Variants in SP100 observed in about 807,000 individuals in gnomAD.
SP100 encodes the protein SP100 nuclear body protein.
In SP100, 84 loss-of-function variants were observed where a neutral mutation model predicts 130.0. The ratio of observed to expected loss-of-function variants is 0.65; its 90% CI spans 0.54 to 0.77. The LOEUF (loss-of-function observed/expected upper bound fraction) is 0.77, where lower values mean the gene tolerates loss of function less well. Among genes scored for constraint, SP100 ranks in the 30% least tolerant of loss-of-function variants. The pLI, the probability that SP100 is intolerant of heterozygous loss-of-function variation, is 0.00. For synonymous variants in SP100, 331 were observed against 351.7 expected, an observed-to-expected ratio of 0.94 and a Z score of 0.66; for missense variants, 978 against 1,052.2, an observed-to-expected ratio of 0.93 and a Z score of 0.97.
chr2:230,436,747 C>A (rs2063280510), intron 2 of SP100, among the ~76,000 whole-genome samples: 1 of 152,172 alleles, frequency 6.6e-6, no homozygotes, highest in African/African-American at 2.4e-5. Context: ...CTATAGGTTT[C>A]CTACATATAT....
intron 17 of SP100, among the ~76,000 whole-genome samples, chr2:230,490,086 T>C: frequency 6.6e-6 from 1 of 152,202 alleles, no homozygotes; most frequent in Admixed American, 6.5e-5. Context: ...TTCTGTCTCA[T>C]TGATCTGTCT....
At chr2:230,449,376 C>T in intron 6 of SP100, 185 bp from the exon 7 acceptor site, 1 of 798,692 alleles carries the variant, frequency 1.3e-6, no homozygotes, top group Non-Finnish European at 2.2e-6. Flanking sequence ...GTTCCTGCTG[C>T]CGCTGAGCCT....
At chr2:230,496,109 T>G (rs1575742378) in intron 18 of SP100, among the ~76,000 whole-genome samples, 1 of 152,264 alleles carries the variant, frequency 6.6e-6, no homozygotes, top group South Asian at 2.1e-4. Flanking sequence ...TCTAAGATGT[T>G]TTTTCCGTCA....
At chr2:230,525,726 G>A (rs1343745360) in intron 24 of SP100, among the ~76,000 whole-genome samples, 4 of 152,178 alleles carry the variant, frequency 2.6e-5, no homozygotes, top group Non-Finnish European at 4.4e-5. Context: ...CTTAGCAACC[G>A]ACAGACCAGG....
At chr2:230,498,313 C>G in intron 18 of SP100, 148 bp from the exon 19 acceptor site, 1 of 397,442 alleles carries the variant, frequency 2.5e-6, no homozygotes. Context: ...CCATCAAAGG[C>G]TTGGTAATTG....
intron 24 of SP100, among the ~76,000 whole-genome samples, chr2:230,525,573 G>A (rs1691382521): frequency 6.6e-6 from 1 of 152,118 alleles, no homozygotes; most frequent in African/African-American, 2.4e-5. Flanking sequence ...GACTCTGGCT[G>A]CAGCCTACAG....
intron 2 of SP100, among the ~76,000 whole-genome samples, chr2:230,435,482 C>G (rs1292592245): frequency 3.3e-5 from 5 of 152,126 alleles, no homozygotes; most frequent in Non-Finnish European, 5.9e-5. Context: ...TTTAACTATT[C>G]TCTTCTCAAA....
In SP100 at chr2:230,461,410, A is replaced by C; in HGVS notation, c.969A>C (p.Ile323=). ...ARTHHNQASD[I]IVISSEDSEG... ...CTCATCATAACCAGGCATCTGACAT[A>C]ATAGGTAAGGCTGACTGGGAGAGTT... Residue 323 remains isoleucine (I), a synonymous_variant, in exon 9 of 29, where the codon ATA becomes ATC. Transcript: ENST00000340126. 6.2e-7 allele frequency: 1 copy of C among 1,614,088 alleles called. No homozygotes were observed. Among genetic ancestry groups the C allele is most frequent in the South Asian group, 1.1e-5 (1 of 91,088 alleles).
At chr2:230,516,103 G>T (rs1423632520) in intron 24 of SP100, 41 of 985,058 alleles carry the variant, frequency 4.2e-5, no homozygotes, top group Admixed American at 1.2e-4. Flanking sequence ...CCGTATGAGG[G>T]AACTGTGTAG....
chr2:230,436,370 G>A (rs998326840), intron 2 of SP100, among the ~76,000 whole-genome samples: 3 of 152,038 alleles, frequency 2.0e-5, no homozygotes, highest in South Asian at 2.1e-4. Context: ...TGTAATCCCC[G>A]TAATCTCCAG....
intron 2 of SP100, among the ~76,000 whole-genome samples, chr2:230,436,968 A>ATGTG (rs1277322939): frequency 0.035 from 4,563 of 131,160 alleles, 155 homozygotes; most frequent in Non-Finnish European, 0.046. Flanking sequence ...ACACACATAT[A>ATGTG]TATGTGTATA....
chr2:230,463,953 A>G, intron 10 of SP100, 114 bp from the exon 11 acceptor site: 1 of 688,152 alleles, frequency 1.5e-6, no homozygotes, highest in South Asian at 1.7e-5. Context: ...TGTACAGGCG[A>G]GGACTTGCAC....
At chr2:230,432,082 C>G (rs547909049) in intron 2 of SP100, among the ~76,000 whole-genome samples, 1 of 152,272 alleles carries the variant, frequency 6.6e-6, no homozygotes, top group South Asian at 2.1e-4. Context: ...CATCAATATA[C>G]TTTCTATCTC....
intron 19 of SP100, among the ~76,000 whole-genome samples, chr2:230,501,684 C>T (rs1047289203): frequency 4.6e-5 from 7 of 151,940 alleles, no homozygotes; most frequent in African/African-American, 1.7e-4. Context: ...GCTTGCAGGA[C>T]CCAAATCCAC....
intron 5 of SP100, among the ~76,000 whole-genome samples, chr2:230,447,337 C>T (rs1231128500): frequency 1.3e-5 from 2 of 152,194 alleles, no homozygotes; most frequent in Admixed American, 1.3e-4. Context: ...GATCTCCCCA[C>T]ATCAGTCAGT....
chr2:230,450,604 T>A (rs1559495083), intron 8 of SP100, among the ~76,000 whole-genome samples: 1 of 152,216 alleles, frequency 6.6e-6, no homozygotes, highest in African/African-American at 2.4e-5. Context: ...AAATTTTGTA[T>A]CCTTTGACCA....
chr2:230,449,352 C>A, intron 6 of SP100: 1 of 778,786 alleles, frequency 1.3e-6, no homozygotes, highest in Non-Finnish European at 2.3e-6. Context: ...ACCCCTTAAT[C>A]ACACTTGCTG....
chr2:230,497,160 G>A (rs1272621506), intron 18 of SP100, among the ~76,000 whole-genome samples: 1 of 152,136 alleles, frequency 6.6e-6, no homozygotes, highest in Non-Finnish European at 1.5e-5. Flanking sequence ...GAGCTCTATA[G>A]TATTAGCAGA....
At chr2:230,469,985 A>G (rs765089229) in intron 14 of SP100, 30 bp from the exon 15 acceptor site, 1 of 1,598,580 alleles carries the variant, frequency 6.3e-7, no homozygotes, top group Admixed American at 1.7e-5. Context: ...TCAGACTAAG[A>G]CTGTTAAGGA....
Sources: gnomAD v4.1 joint callset for allele counts (sites outside exome capture counted in the v4.1 genomes callset) on GRCh38, gnomAD v4.1.1 for gene constraint, MANE v1.5 for transcripts, NCBI Gene and HGNC (gene_info 2026-07-23, HGNC 2026-07-21) for gene names.